Variants in ATF1 observed in about 807,000 individuals in gnomAD.
ATF1 encodes the protein cyclic AMP-dependent transcription factor ATF-1.
A neutral mutation model predicts 34.7 loss-of-function variants in ATF1; 16 were observed. That is an observed-to-expected ratio of 0.46 (90% confidence interval 0.31 to 0.70). ATF1 has a LOEUF of 0.70. Ranked by LOEUF, ATF1 falls within the 30% of genes least tolerant of loss-of-function variation. ATF1 has a pLI of 0.05. For missense variants in ATF1, 255 were observed against 321.6 expected, an observed-to-expected ratio of 0.79 and a Z score of 1.58; for synonymous variants, 105 against 113.1, an observed-to-expected ratio of 0.93 and a Z score of 0.46.
intron 2 of ATF1, among the ~76,000 whole-genome samples, chr12:50,790,349 C>CATGCG (rs1415679147): frequency 6.6e-6 from 1 of 152,048 alleles, no homozygotes; most frequent in African/African-American, 2.4e-5. Context: ...TGACGATAGG[C>CATGCG]ATGCGCTGCC....
chr12:50,783,786 G>A (rs773780665), intron 2 of ATF1, among the ~76,000 whole-genome samples: 87 of 150,392 alleles, frequency 5.8e-4, no homozygotes, highest in Non-Finnish European at 9.4e-4. Context: ...AGAACTGCTT[G>A]AACTGGGGAG....
intron 1 of ATF1, among the ~76,000 whole-genome samples, chr12:50,765,149 A>G (rs1380412281): frequency 6.6e-6 from 1 of 152,172 alleles, no homozygotes; most frequent in Non-Finnish European, 1.5e-5. Flanking sequence ...GAGAACCTTT[A>G]GGGTTCAGAA....
At chr12:50,778,604 T>G (rs1055674150) in intron 1 of ATF1, among the ~76,000 whole-genome samples, 3 of 151,784 alleles carry the variant, frequency 2.0e-5, no homozygotes, top group African/African-American at 7.3e-5. Context: ...AACTTTTTTT[T>G]TTTTTGAGAC....
At chr12:50,775,941 G>C (rs1205519123) in intron 1 of ATF1, among the ~76,000 whole-genome samples, 1 of 152,096 alleles carries the variant, frequency 6.6e-6, no homozygotes, top group East Asian at 1.9e-4. Flanking sequence ...GCCTGTAATC[G>C]CAACACTTTA....
chr12:50,800,769 TC>T (rs1174755376), intron 3 of ATF1, among the ~76,000 whole-genome samples: 9 of 152,184 alleles, frequency 5.9e-5, no homozygotes, highest in Non-Finnish European at 8.8e-5. Flanking sequence ...ACGAAACTGG[TC>T]CCTGGTGCCA....
chr12:50,773,654 T>A (rs985174318), intron 1 of ATF1, among the ~76,000 whole-genome samples: 1 of 151,948 alleles, frequency 6.6e-6, no homozygotes, highest in Non-Finnish European at 1.5e-5. Context: ...GTGGTGCAAT[T>A]TCTGTTCACT....
intron 1 of ATF1, among the ~76,000 whole-genome samples, chr12:50,776,680 A>G (rs1020633581): frequency 3.9e-5 from 6 of 152,176 alleles, no homozygotes; most frequent in Non-Finnish European, 7.3e-5. Flanking sequence ...TTGATAAACT[A>G]CAATTCATTC....
At chr12:50,776,088 G>A (rs957911575) in intron 1 of ATF1, among the ~76,000 whole-genome samples, 7 of 152,002 alleles carry the variant, frequency 4.6e-5, no homozygotes, top group African/African-American at 9.7e-5. Flanking sequence ...CGAGGAGGGC[G>A]GATCATGAGG....
intron 3 of ATF1, 35 bp downstream of exon 3, chr12:50,796,044 T>C (rs765420040): frequency 2.0e-6 from 3 of 1,511,640 alleles, no homozygotes; most frequent in Admixed American, 2.0e-5. Context: ...CTGCATGTTA[T>C]GATAGTACCA....
chr12:50,819,655 G>A lies in ATF1; in HGVS notation c.692G>A (p.Arg231His), dbSNP rs1368652697. ...MKNREAAREC[R>H]RKKKEYVKCL... ...TTTAGAGAAGCTGCTCGAGAATGTC[G>A]CAGAAAGAAGAAAGAATATGTGAAA... The change falls in exon 7 of 7, where the codon CGC (arginine) becomes CAC (histidine). Residue 231 changes from arginine (R) to histidine (H), a missense_variant. Arg to His is a conservative substitution (Grantham distance 29). Coordinates refer to ENST00000262053, the MANE Select transcript of ATF1 (RefSeq NM_005171.5). The A allele has an allele frequency of 3.7e-6, 6 of 1,612,378 alleles. No individual in the cohort carries two copies. The highest frequency in any genetic ancestry group is 1.7e-5 in the Admixed American group (1 of 59,802).
chr12:50,783,691 A>G (rs1220751912), intron 2 of ATF1, among the ~76,000 whole-genome samples: 1 of 151,680 alleles, frequency 6.6e-6, no homozygotes, highest in Non-Finnish European at 1.5e-5. Flanking sequence ...AAGATGGTGA[A>G]ACCCCGTCTC....
At chr12:50,807,688 A>C (rs1428239050) in intron 3 of ATF1, among the ~76,000 whole-genome samples, 1 of 151,364 alleles carries the variant, frequency 6.6e-6, no homozygotes, top group Non-Finnish European at 1.5e-5. Context: ...TAAGTATTTC[A>C]GTTTTCTCAT....
intron 2 of ATF1, among the ~76,000 whole-genome samples, chr12:50,795,089 C>T (rs918816904): frequency 1.3e-5 from 2 of 152,148 alleles, no homozygotes; most frequent in African/African-American, 4.8e-5. Flanking sequence ...AAAATTGAAT[C>T]ATACAGATTT....
At chr12:50,780,003 CCTTT>C in intron 1 of ATF1, 133 bp from the exon 2 acceptor site, 6 of 512,140 alleles carry the variant, frequency 1.2e-5, no homozygotes, top group Non-Finnish European at 1.6e-5. Context: ...TGCACAGTCC[CCTTT>C]CTATCTCTAT....
In ATF1 at chr12:50,819,924, A is replaced by G; in HGVS notation, c.*145A>G. ...GATAAATATCTTACGCACGATATCTAGTGACAGAGGAGAAAGTGGAAAATG... is the reference window on the plus strand; with the variant it reads ...GATAAATATCTTACGCACGATATCTGGTGACAGAGGAGAAAGTGGAAAATG... On this transcript the variant is annotated 3_prime_UTR_variant, in exon 7 of 7. Transcript: ENST00000262053. 3 of 673,066 alleles carry G rather than the reference A, an allele frequency of 4.5e-6. No homozygotes were observed. The highest frequency in any genetic ancestry group is 7.0e-6 in the Non-Finnish European group (3 of 427,552). 41.7% of individuals were successfully genotyped at this position (673,066 alleles called of 1,614,324 possible).
rs746401740 is a variant in ATF1, at chr12:50,814,266, T to C, written c.512-14T>C. 1.9e-6 allele frequency: 3 copies of C among 1,614,118 alleles called. No individual in the cohort carries two copies. In the South Asian group the frequency reaches 3.3e-5, roughly 18 times the overall value. On this transcript the variant is annotated splice_polypyrimidine_tract_variant and intron_variant, in intron 5 of 6. Coordinates refer to ENST00000262053, the MANE Select transcript of ATF1 (RefSeq NM_005171.5). ...ACTTACTAACTAACTCATTCACTCTTGTTTACCATCTAGCTGCATCAGGAG... is the reference window on the plus strand; with the variant it reads ...ACTTACTAACTAACTCATTCACTCTCGTTTACCATCTAGCTGCATCAGGAG...
At chr12:50,764,337 C>T (rs1592159187) in intron 1 of ATF1, 30 bp downstream of exon 1, 1 of 150,990 alleles carries the variant, frequency 6.6e-6, no homozygotes, top group East Asian at 2.0e-4. Context: ...GGACGTGCCC[C>T]GTGGCCCGGG....
At chr12:50,816,640 C>T (rs1334394697) in intron 6 of ATF1, among the ~76,000 whole-genome samples, 1 of 152,050 alleles carries the variant, frequency 6.6e-6, no homozygotes, top group Non-Finnish European at 1.5e-5. Flanking sequence ...CACGTGTAAT[C>T]CCAGCATTTT....
intron 2 of ATF1, among the ~76,000 whole-genome samples, chr12:50,784,906 T>A (rs1481044844): frequency 6.6e-6 from 1 of 151,330 alleles, no homozygotes; most frequent in Non-Finnish European, 1.5e-5. Context: ...TATTATTTAT[T>A]ATTATTATAC....
Sources: allele counts gnomAD v4.1 joint callset (sites outside exome capture counted in the v4.1 genomes callset), GRCh38; gene constraint gnomAD v4.1.1; transcripts MANE v1.5; gene names NCBI Gene and HGNC (gene_info 2026-07-23, HGNC 2026-07-21).